The following COL19A1 variants were observed in gnomAD, a reference collection of about 807,000 sequenced individuals.
The protein encoded by COL19A1 is collagen type XIX alpha 1 chain.
COL19A1 carries 159 observed loss-of-function variants against 190.2 expected under a neutral mutation model. The observed-to-expected ratio is 0.84, with a 90% confidence interval of 0.73 to 0.95. The LOEUF is 0.95. Among genes scored for constraint, COL19A1 ranks in the 40% least tolerant of loss-of-function variants. The pLI, the probability that COL19A1 is intolerant of heterozygous loss-of-function variation, is 0.00. For missense variants in COL19A1, 1,418 were observed against 1,431.9 expected, an observed-to-expected ratio of 0.99 and a Z score of 0.16; for synonymous variants, 509 against 458.9, an observed-to-expected ratio of 1.11 and a Z score of -1.39.
intron 7 of COL19A1, among the ~76,000 whole-genome samples, chr6:69,936,433 A>G (rs148688868): frequency 3.9e-5 from 6 of 152,274 alleles, no homozygotes; most frequent in African/African-American, 1.4e-4. Flanking sequence ...TTCCCAAAAG[A>G]TGTATTCACA....
In COL19A1 at chr6:69,960,526, G is replaced by C. The variant is rs115364550; in HGVS notation, c.981+486G>C. Among the ~76,000 whole-genome samples the C allele has an allele frequency of 4.7e-3, 711 of 151,864 alleles. 6 individuals are homozygous for C. The highest frequency in any genetic ancestry group is 0.017 in the African/African-American group (687 of 41,424). The stretch of plus-strand genomic sequence containing the variant: ...AAAATATTTTTCTTTCAGAACAAGG[G>C]ATTCCTAATAAGCAAGGAGTTTTGC... On this transcript the variant is annotated intron_variant, in intron 10 of 50. Coordinates refer to ENST00000620364, the MANE Select transcript of COL19A1 (RefSeq NM_001858.6).
At chr6:69,892,035 C>T (rs1236961033) in intron 2 of COL19A1, among the ~76,000 whole-genome samples, 3 of 152,172 alleles carry the variant, frequency 2.0e-5, no homozygotes, top group African/African-American at 7.2e-5. Context: ...CCTCCTCCAA[C>T]AAGGGAGGGG....
At chr6:69,907,107 ATTTTT>A (rs56927758) in intron 4 of COL19A1, among the ~76,000 whole-genome samples, 1 of 129,380 alleles carries the variant, frequency 7.7e-6, no homozygotes, top group South Asian at 2.5e-4. Context: ...TATTATTATT[ATTTTT>A]TTTTTTTTTT....
intron 4 of COL19A1, among the ~76,000 whole-genome samples, chr6:69,926,913 A>G (rs1486837446): frequency 6.6e-6 from 1 of 152,166 alleles, no homozygotes; most frequent in Non-Finnish European, 1.5e-5. Flanking sequence ...TCTCAATATG[A>G]GTAAGCTGAC....
At chr6:70,109,927 C>G (rs1784190679) in intron 16 of COL19A1, among the ~76,000 whole-genome samples, 1 of 152,154 alleles carries the variant, frequency 6.6e-6, no homozygotes, top group Admixed American at 6.5e-5. Flanking sequence ...AATACATACC[C>G]TCAAAACGCC....
chr6:70,053,766 T>C (rs1309633554), intron 14 of COL19A1, among the ~76,000 whole-genome samples: 2 of 151,166 alleles, frequency 1.3e-5, no homozygotes, highest in Admixed American at 6.6e-5. Flanking sequence ...ATTGCCAGCA[T>C]ATATTTTTCC....
chr6:70,184,183 G>A (rs1029144065), intron 44 of COL19A1, among the ~76,000 whole-genome samples: 1 of 152,044 alleles, frequency 6.6e-6, no homozygotes. Flanking sequence ...TTCATAGTAG[G>A]ATCATGCTCT....
chr6:69,930,317 G>A (rs928224345), intron 6 of COL19A1, among the ~76,000 whole-genome samples: 1 of 152,070 alleles, frequency 6.6e-6, no homozygotes, highest in Admixed American at 6.6e-5. Context: ...ATTTATTATT[G>A]ATTTCCCTAG....
At chr6:70,194,145 T>C (rs1299318097) in intron 48 of COL19A1, among the ~76,000 whole-genome samples, 2 of 152,194 alleles carry the variant, frequency 1.3e-5, no homozygotes, top group African/African-American at 2.4e-5. Flanking sequence ...AGCCATTGTC[T>C]CCGAGCGGCA....
intron 4 of COL19A1, among the ~76,000 whole-genome samples, chr6:69,925,681 T>A (rs1772328993): frequency 6.6e-6 from 1 of 152,192 alleles, no homozygotes; most frequent in South Asian, 2.1e-4. Flanking sequence ...TTGGGCAGTA[T>A]GGCCATTTTC....
intron 49 of COL19A1, among the ~76,000 whole-genome samples, chr6:70,205,947 G>A (rs1185569770): frequency 6.6e-6 from 1 of 152,180 alleles, no homozygotes; most frequent in Admixed American, 6.5e-5. Context: ...CTCCTTTGGA[G>A]TTATACACTG....
chr6:69,928,100 C>T (rs1347844497), intron 5 of COL19A1, 68 bp downstream of exon 5: 1 of 1,571,522 alleles, frequency 6.4e-7, no homozygotes, highest in Non-Finnish European at 8.7e-7. Flanking sequence ...ATTATTTGAA[C>T]TGGTGCACAA....
chr6:70,022,167 A>T (rs1271490015), intron 11 of COL19A1, among the ~76,000 whole-genome samples: 1 of 152,188 alleles, frequency 6.6e-6, no homozygotes, highest in South Asian at 2.1e-4. Flanking sequence ...ATTGTAGGAA[A>T]AATGAAGGAA....
rs532876929 is a variant in COL19A1 at position 70,126,448 on chromosome 6, G to A, written c.1342-3734G>A. On this transcript the variant is annotated intron_variant, in intron 17 of 50. Transcript: ENST00000620364. ...CCAGGCTCCACTGGCTTTGAGGAAC[G>A]TTGTGGACTTAGGCACAGACATATG... Among the ~76,000 whole-genome samples the A allele has an allele frequency of 2.0e-4, 31 of 152,262 alleles. No homozygotes were observed. In the South Asian group the frequency reaches 5.8e-3, roughly 29 times the overall value.
At chr6:70,073,001 TATTGA>T (rs1781651587) in intron 15 of COL19A1, among the ~76,000 whole-genome samples, 1 of 148,414 alleles carries the variant, frequency 6.7e-6, no homozygotes, top group African/African-American at 2.5e-5. Flanking sequence ...ATTTATTTAT[TATTGA>T]GAGAGAGTTT....
At chr6:69,878,516 A>G (rs1048872165) in intron 1 of COL19A1, among the ~76,000 whole-genome samples, 2 of 152,090 alleles carry the variant, frequency 1.3e-5, no homozygotes, top group Non-Finnish European at 2.9e-5. Context: ...CTCGGCCTAT[A>G]TATATATTTT....
At chr6:70,040,378 T>C (rs994838333) in intron 14 of COL19A1, among the ~76,000 whole-genome samples, 1 of 152,196 alleles carries the variant, frequency 6.6e-6, no homozygotes, top group Non-Finnish European at 1.5e-5. Context: ...CAGTTTGATT[T>C]GCTAGGTTCA....
At position 70,212,172 on chromosome 6, in the gene COL19A1, T is replaced by C. The variant is rs1310308956; in HGVS notation, c.*4898T>C. Among the ~76,000 whole-genome samples, 1 of 152,214 alleles carries C rather than the reference T, an allele frequency of 6.6e-6. No homozygotes were observed. Among genetic ancestry groups the C allele is most frequent in the Non-Finnish European group, 1.5e-5 (1 of 68,016 alleles). On this transcript the variant is annotated 3_prime_UTR_variant, in exon 51 of 51. Coordinates refer to ENST00000620364, the MANE Select transcript of COL19A1 (RefSeq NM_001858.6). Reference sequence around the variant, plus strand: ...ATGCAAAGTACATTTTGGAGATAAATGTTTTTCAGCACATTAATGTCTTTA... The same window carrying C: ...ATGCAAAGTACATTTTGGAGATAAACGTTTTTCAGCACATTAATGTCTTTA...
chr6:70,059,709 T>C (rs1443198447), intron 14 of COL19A1: 3 of 458,722 alleles, frequency 6.5e-6, no homozygotes, highest in African/African-American at 6.2e-5. Context: ...AGAATTGTGT[T>C]AAACGGAAAA....
Sources: gnomAD v4.1 joint callset for allele counts (sites outside exome capture counted in the v4.1 genomes callset) on GRCh38, gnomAD v4.1.1 for gene constraint, MANE v1.5 for transcripts, NCBI Gene and HGNC (gene_info 2026-07-23, HGNC 2026-07-21) for gene names.